Variants in SLC16A7 observed in about 807,000 individuals in gnomAD.
SLC16A7 encodes monocarboxylate transporter 2.
A neutral mutation model predicts 34.9 loss-of-function variants in SLC16A7; 33 were observed. The ratio of observed to expected loss-of-function variants is 0.94; its 90% CI spans 0.72 to 1.26. The LOEUF is 1.26. SLC16A7 is among the 50% of genes most tolerant of loss of function. The pLI is 0.00. For missense variants in SLC16A7, 573 were observed against 578.1 expected, an observed-to-expected ratio of 0.99 and a Z score of 0.09; for synonymous variants, 201 against 206.6, an observed-to-expected ratio of 0.97 and a Z score of 0.23.
At chr12:59,715,049 C>T (rs1874737102) in intron 3 of SLC16A7, among the ~76,000 whole-genome samples, 1 of 152,150 alleles carries the variant, frequency 6.6e-6, no homozygotes, top group Non-Finnish European at 1.5e-5. Flanking sequence ...GTACTAGGAT[C>T]ATAACTCTGA....
At chr12:59,717,639 A>C (rs1290556720) in intron 3 of SLC16A7, among the ~76,000 whole-genome samples, 1 of 152,186 alleles carries the variant, frequency 6.6e-6, no homozygotes, top group African/African-American at 2.4e-5. Context: ...TAGATCAAAC[A>C]CAACTGAACT....
At chr12:59,703,921 G>T (rs1309737465) in intron 2 of SLC16A7, among the ~76,000 whole-genome samples, 1 of 151,776 alleles carries the variant, frequency 6.6e-6, no homozygotes, top group Non-Finnish European at 1.5e-5. Flanking sequence ...AATAGTGGGG[G>T]CTGGATGCGG....
Position 59,727,170 on chromosome 12 carries a change from A to ATATATATATATATATATAAAAT in SLC16A7, c.217+22152_217+22153insTATATATATATATATATAAAAT, listed in dbSNP as rs1555174538. On this transcript the variant is annotated intron_variant, in intron 3 of 5. Transcript: ENST00000547379. ...GATGGACATATATATATATATATAT[A>ATATATATATATATATATAAAAT]ATATATATATGTTGTATTTAGAAGG... Among the ~76,000 whole-genome samples, 480 of 144,236 alleles carry ATATATATATATATATATAAAAT rather than the reference A, an allele frequency of 3.3e-3. 5 individuals carry two copies. Among genetic ancestry groups the ATATATATATATATATATAAAAT allele is most frequent in the African/African-American group, 0.012 (454 of 37,476 alleles). The allele number at this position is 144,236 out of a possible 152,430, so 94.6% of individuals were successfully genotyped here.
chr12:59,729,846 T>C (rs939195381), intron 3 of SLC16A7, among the ~76,000 whole-genome samples: 2 of 152,198 alleles, frequency 1.3e-5, no homozygotes, highest in African/African-American at 4.8e-5. Context: ...TTGCTGACAA[T>C]TTAGCTGACC....
At chr12:59,619,853 T>A (rs986727858) in intron 1 of SLC16A7, among the ~76,000 whole-genome samples, 2 of 152,076 alleles carry the variant, frequency 1.3e-5, no homozygotes, top group African/African-American at 4.8e-5. Context: ...TTAAACACTT[T>A]ACATGTGTCA....
intron 2 of SLC16A7, among the ~76,000 whole-genome samples, chr12:59,692,143 T>A (rs1001253246): frequency 6.6e-6 from 1 of 151,994 alleles, no homozygotes; most frequent in African/African-American, 2.4e-5. Flanking sequence ...TGTGGTCACA[T>A]CACTTTCTGC....
intron 2 of SLC16A7, chr12:59,696,459 G>A (rs1268243705): frequency 6.6e-6 from 1 of 151,882 alleles, no homozygotes; most frequent in African/African-American, 2.4e-5. Flanking sequence ...TCAAAGTTTA[G>A]TGACTAGGCT....
At chr12:59,674,881 C>A (rs1253348778) in intron 2 of SLC16A7, among the ~76,000 whole-genome samples, 3 of 152,172 alleles carry the variant, frequency 2.0e-5, no homozygotes, top group East Asian at 1.9e-4. Context: ...ACAGTGGATA[C>A]AATGGGACAG....
At chr12:59,734,073 C>T (rs1037651947) in intron 3 of SLC16A7, 10 of 254,174 alleles carry the variant, frequency 3.9e-5, no homozygotes, top group Non-Finnish European at 7.3e-5. Context: ...GACAGTCTGA[C>T]CCCCAGGCCT....
At chr12:59,615,359 G>T (rs1449606077) in intron 1 of SLC16A7, among the ~76,000 whole-genome samples, 2 of 149,456 alleles carry the variant, frequency 1.3e-5, no homozygotes, top group Middle Eastern at 3.4e-3. Context: ...ATCTGAAAAT[G>T]AAAAAAAAAC....
chr12:59,668,622 C>T (rs1869410829), intron 2 of SLC16A7, among the ~76,000 whole-genome samples: 1 of 152,090 alleles, frequency 6.6e-6, no homozygotes, highest in Non-Finnish European at 1.5e-5. Context: ...TTTGCCTTGT[C>T]TCAGATGAGA....
In SLC16A7 at chr12:59,764,717, T is replaced by G. The variant is rs183225252; in HGVS notation, c.218-6502T>G. ...ATGGTGTATATGTGCCATATTTTCT[T>G]AATCCAGTCTATCATTGTTGGACAT... On this transcript the variant is annotated intron_variant, in intron 3 of 5. Coordinates refer to ENST00000547379, the MANE Select transcript of SLC16A7 (RefSeq NM_001270623.2). Among the ~76,000 whole-genome samples, 96 of 152,276 alleles carry G rather than the reference T, an allele frequency of 6.3e-4. 4 individuals carry two copies. The East Asian group carries it at 0.01, about 16-fold the overall frequency.
At chr12:59,656,856 C>T (rs531399477) in intron 2 of SLC16A7, among the ~76,000 whole-genome samples, 1 of 152,008 alleles carries the variant, frequency 6.6e-6, no homozygotes, top group South Asian at 2.1e-4. Flanking sequence ...CTAAGGGAAC[C>T]AGCTTAACCC....
At chr12:59,675,303 A>T (rs1870218103) in intron 2 of SLC16A7, among the ~76,000 whole-genome samples, 1 of 152,140 alleles carries the variant, frequency 6.6e-6, no homozygotes, top group Non-Finnish European at 1.5e-5. Context: ...TGCCTTTGGG[A>T]GGTAATTAAG....
At chr12:59,602,062 T>C (rs1254840280) in intron 1 of SLC16A7, among the ~76,000 whole-genome samples, 3 of 152,208 alleles carry the variant, frequency 2.0e-5, no homozygotes, top group Non-Finnish European at 4.4e-5. Flanking sequence ...TGGTGATCCA[T>C]ATGGTTGAAA....
intron 1 of SLC16A7, among the ~76,000 whole-genome samples, chr12:59,624,543 C>G (rs1879836881): frequency 6.6e-6 from 1 of 151,736 alleles, no homozygotes; most frequent in Non-Finnish European, 1.5e-5. Context: ...TTGCTTTTCT[C>G]TTTGCTGGGG....
At chr12:59,618,568 A>C (rs1234124874) in intron 1 of SLC16A7, among the ~76,000 whole-genome samples, 2 of 151,574 alleles carry the variant, frequency 1.3e-5, no homozygotes, top group African/African-American at 4.8e-5. Context: ...CACTGTAATT[A>C]AAATAAATAT....
At chr12:59,616,122 C>A (rs1363050768) in intron 1 of SLC16A7, among the ~76,000 whole-genome samples, 2 of 152,176 alleles carry the variant, frequency 1.3e-5, no homozygotes, top group Non-Finnish European at 1.5e-5. Context: ...GTTGCTTTAC[C>A]ACCTTGGGCC....
rs931465691 is a variant in SLC16A7 at position 59,781,296 on chromosome 12, A to T, written c.*1617A>T. The T allele has an allele frequency of 6.6e-6, 1 of 152,268 alleles. No individual in the cohort carries two copies. The highest frequency in any genetic ancestry group is 2.1e-4 in the South Asian group (1 of 4,832). 9.4% of individuals were successfully genotyped at this position (152,268 alleles called of 1,614,324 possible). A position where few individuals can be genotyped will look rare whatever the true frequency, so the allele number is the denominator to read the frequency against. ...ATCTGAAGTTTAACATGATTAATTT[A>T]AAAAGTATTTAGTGCTTGACAAAGT... On this transcript the variant is annotated 3_prime_UTR_variant, in exon 6 of 6. Coordinates refer to ENST00000547379, the MANE Select transcript of SLC16A7 (RefSeq NM_001270623.2).
Sources: gnomAD v4.1 joint callset for allele counts (sites outside exome capture counted in the v4.1 genomes callset) on GRCh38, gnomAD v4.1.1 for gene constraint, MANE v1.5 for transcripts, NCBI Gene and HGNC (gene_info 2026-07-23, HGNC 2026-07-21) for gene names.